DOCK7: variants seen among roughly 807,000 people sequenced by gnomAD.
DOCK7 encodes dedicator of cytokinesis protein 7.
Under a neutral mutation model 271.0 loss-of-function variants are expected in DOCK7, and 138 were observed. The ratio of observed to expected loss-of-function variants is 0.51; its 90% CI spans 0.44 to 0.59. DOCK7 has a LOEUF of 0.59. DOCK7 is among the 20% of genes least tolerant of loss of function. DOCK7 has a pLI of 0.00. For synonymous variants in DOCK7, 823 were observed against 876.1 expected, an observed-to-expected ratio of 0.94 and a Z score of 1.07; for missense variants, 2,066 against 2,592.4, an observed-to-expected ratio of 0.80 and a Z score of 4.41.
At chr1:62,649,884 A>G (rs1046520785) in intron 4 of DOCK7, among the ~76,000 whole-genome samples, 5 of 152,110 alleles carry the variant, frequency 3.3e-5, no homozygotes, top group African/African-American at 9.7e-5. Context: ...TCCCCCAGAT[A>G]TTTACAGGGC....
At chr1:62,585,415 A>G (rs1647379151) in intron 15 of DOCK7, among the ~76,000 whole-genome samples, 1 of 152,168 alleles carries the variant, frequency 6.6e-6, no homozygotes, top group Non-Finnish European at 1.5e-5. Flanking sequence ...TCAGAGGTTG[A>G]GAATCTATAG....
chr1:62,609,219 C>A (rs540095244), intron 14 of DOCK7: 1 of 152,198 alleles, frequency 6.6e-6, no homozygotes, highest in African/African-American at 2.4e-5. Context: ...TCTATTATAA[C>A]CCTTAATAAA....
Position 62,584,152 on chromosome 1 carries a change from C to T in DOCK7, c.1801-898G>A, listed in dbSNP as rs1019794256. ...TTTATATAAAGAGATTAATTGGCATCATCCTTAATTAGAAGGGCATATTAG... is the reference window on the plus strand; with the variant it reads ...TTTATATAAAGAGATTAATTGGCATTATCCTTAATTAGAAGGGCATATTAG... On this transcript the variant is annotated intron_variant, in intron 15 of 49. Coordinates refer to ENST00000635253, the MANE Select transcript of DOCK7 (RefSeq NM_001367561.1). The T allele has an allele frequency of 4.1e-6, 4 of 983,130 alleles. No homozygotes were observed. The African/African-American group carries it at 7.0e-5, about 17-fold the overall frequency. 60.9% of individuals were successfully genotyped at this position (983,130 alleles called of 1,614,324 possible).
chr1:62,611,160 G>T (rs1419283108), intron 14 of DOCK7, among the ~76,000 whole-genome samples: 1 of 152,144 alleles, frequency 6.6e-6, no homozygotes, highest in Non-Finnish European at 1.5e-5. Flanking sequence ...TTTTTAACCT[G>T]AGGCCAGATC....
At chr1:62,481,154 C>T (rs1646114198) in intron 43 of DOCK7, among the ~76,000 whole-genome samples, 1 of 152,016 alleles carries the variant, frequency 6.6e-6, no homozygotes, top group Admixed American at 6.6e-5. Flanking sequence ...AGGAAAGAGC[C>T]AGTGCAAAGA....
chr1:62,492,643 A>G, intron 41 of DOCK7, 61 bp downstream of exon 41: 1 of 1,592,826 alleles, frequency 6.3e-7, no homozygotes, highest in Non-Finnish European at 8.6e-7. Flanking sequence ...GAATAAATAC[A>G]CATGTCATTG....
intron 48 of DOCK7, among the ~76,000 whole-genome samples, chr1:62,459,889 G>A (rs949233551): frequency 6.6e-6 from 1 of 152,000 alleles, no homozygotes; most frequent in Non-Finnish European, 1.5e-5. Context: ...CATGAGGTCA[G>A]GAGATCGAGG....
chr1:62,529,785 G>A (rs530334688), intron 29 of DOCK7, among the ~76,000 whole-genome samples: 1 of 152,102 alleles, frequency 6.6e-6, no homozygotes, highest in South Asian at 2.1e-4. Flanking sequence ...AGCTAAACAA[G>A]GTAAATTTTA....
chr1:62,543,714 G>A lies in DOCK7; in HGVS notation c.2891C>T (p.Ser964Leu), dbSNP rs375315622. ...AMDRSCNRMS[S>L]HTETSSFLQT... ...TAAGAAACTTGACGTCTCTGTGTGCGAAGACATACGATTACAACTTCGATC... is the reference window on the plus strand; with the variant it reads ...TAAGAAACTTGACGTCTCTGTGTGCAAAGACATACGATTACAACTTCGATC... The change falls in exon 24 of 50, where the codon TCG (serine) becomes TTG (leucine). Residue 964 changes from serine to leucine, a missense_variant. This residue lies in a region of DOCK7 where 1,414 missense variants were observed against 1,670.4 expected (regional missense o/e 0.85). Transcript: ENST00000635253. 14 of 1,600,094 alleles carry A rather than the reference G, an allele frequency of 8.7e-6. No individual in the cohort carries two copies. Among genetic ancestry groups the A allele is most frequent in the East Asian group, 2.2e-5 (1 of 44,720 alleles).
At chr1:62,528,453 T>A in intron 30 of DOCK7, 148 bp from the exon 31 acceptor site, 1 of 718,190 alleles carries the variant, frequency 1.4e-6, no homozygotes, top group Non-Finnish European at 2.1e-6. Flanking sequence ...TAAATATCTT[T>A]AACAGTAACT....
Position 62,619,968 on chromosome 1 carries a change from T to C in DOCK7, c.1451A>G (p.Asp484Gly). The C allele has an allele frequency of 6.2e-7, 1 of 1,613,786 alleles. No individual in the cohort carries two copies. The highest frequency in any genetic ancestry group is 8.5e-7 in the Non-Finnish European group (1 of 1,179,802). ...KQEGDRLSDEDLYKFLADMRR... is the reference protein window; with the variant it reads ...KQEGDRLSDEGLYKFLADMRR... The stretch of plus-strand genomic sequence containing the variant: ...CATATCAGCAAGGAATTTGTAGAGA[T>C]CTTCATCACTTAAGCGGTCTCCTTC... The change falls in exon 13 of 50, where the codon GAT becomes GGT. Residue 484 changes from aspartate (D) to glycine (G), a missense_variant. Asp to Gly is a moderately conservative substitution (Grantham distance 94). Transcript: ENST00000635253.
intron 6 of DOCK7, among the ~76,000 whole-genome samples, 161 bp downstream of exon 6, chr1:62,647,945 T>C (rs961872576): frequency 6.6e-6 from 1 of 152,194 alleles, no homozygotes; most frequent in African/African-American, 2.4e-5. Context: ...AACTTACTCA[T>C]TAAGAATAGT....
At chr1:62,504,541 C>T in intron 37 of DOCK7, 89 bp downstream of exon 37, 8 of 1,358,234 alleles carry the variant, frequency 5.9e-6, no homozygotes, top group Non-Finnish European at 5.9e-6. Context: ...ACAAAAAACT[C>T]CATGCTCTCC....
chr1:62,582,919 A>G (rs1341817205), intron 16 of DOCK7, among the ~76,000 whole-genome samples: 1 of 152,230 alleles, frequency 6.6e-6, no homozygotes, highest in Non-Finnish European at 1.5e-5. Flanking sequence ...CCAAAGGACC[A>G]GCGGCCACAA....
At chr1:62,686,944 A>T (rs1364671160) in intron 1 of DOCK7, among the ~76,000 whole-genome samples, 3 of 151,582 alleles carry the variant, frequency 2.0e-5, no homozygotes, top group African/African-American at 7.3e-5. Flanking sequence ...ACACCTGGCT[A>T]ATTTTTTTGC....
At chr1:62,650,771 C>A (rs1328360003) in intron 4 of DOCK7, among the ~76,000 whole-genome samples, 2 of 152,022 alleles carry the variant, frequency 1.3e-5, no homozygotes, top group South Asian at 4.1e-4. Context: ...GTTAGAATGG[C>A]GATCATTAAA....
intron 44 of DOCK7, 147 bp from the exon 45 acceptor site, chr1:62,476,303 C>T (rs1378769788): frequency 1.1e-5 from 6 of 553,464 alleles, no homozygotes; most frequent in East Asian, 8.6e-5. Flanking sequence ...TTTAGGCTTA[C>T]AAAAATTATA....
At chr1:62,600,477 G>T (rs1649946671) in intron 14 of DOCK7, among the ~76,000 whole-genome samples, 1 of 151,626 alleles carries the variant, frequency 6.6e-6, no homozygotes, top group Non-Finnish European at 1.5e-5. Flanking sequence ...TTTTCTTACT[G>T]TCAATGAGAA....
intron 29 of DOCK7, among the ~76,000 whole-genome samples, chr1:62,532,592 C>T (rs749975687): frequency 5.3e-5 from 8 of 152,196 alleles, no homozygotes; most frequent in Non-Finnish European, 1.0e-4. Flanking sequence ...GCCTCAGCCT[C>T]GCAAAGTGTT....
Sources: allele counts gnomAD v4.1 joint callset (sites outside exome capture counted in the v4.1 genomes callset), GRCh38; gene constraint gnomAD v4.1.1; regional missense constraint gnomAD v4.1.1; transcripts MANE v1.5; gene names NCBI Gene and HGNC (gene_info 2026-07-23, HGNC 2026-07-21).